CEPT1: variants seen among roughly 807,000 people sequenced by gnomAD.
CEPT1 encodes the protein choline/ethanolaminephosphotransferase 1.
Under a neutral mutation model 42.6 loss-of-function variants are expected in CEPT1, and 7 were observed. The ratio of observed to expected loss-of-function variants is 0.16; its 90% CI spans 0.09 to 0.31. The LOEUF (loss-of-function observed/expected upper bound fraction) is 0.31. CEPT1 is among the 10% of genes least tolerant of loss of function. The pLI, the probability that CEPT1 is intolerant of heterozygous loss-of-function variation, is 1.00. For synonymous variants in CEPT1, 171 were observed against 171.9 expected, an observed-to-expected ratio of 0.99 and a Z score of 0.04; for missense variants, 306 against 502.1, an observed-to-expected ratio of 0.61 and a Z score of 3.73.
At chr1:111,165,263 T>C (rs1656090140) in intron 4 of CEPT1, among the ~76,000 whole-genome samples, 1 of 151,656 alleles carries the variant, frequency 6.6e-6, no homozygotes, top group Non-Finnish European at 1.5e-5. Flanking sequence ...TTAGCCAGGA[T>C]GGTCTCCATC....
intron 2 of CEPT1, among the ~76,000 whole-genome samples, chr1:111,150,122 C>G (rs1655189000): frequency 6.6e-6 from 1 of 152,128 alleles, no homozygotes; most frequent in African/African-American, 2.4e-5. Flanking sequence ...AATGGAGATG[C>G]CTGGATGCAT....
intron 5 of CEPT1, among the ~76,000 whole-genome samples, chr1:111,175,453 GA>G (rs1161692013): frequency 6.6e-6 from 1 of 152,104 alleles, no homozygotes; most frequent in African/African-American, 2.4e-5. Flanking sequence ...AGGTCTACCT[GA>G]AATATAGTCA....
In CEPT1 at chr1:111,182,849, A is replaced by AGCT; in HGVS notation, c.900_902dup (p.Ala301dup). On this transcript the variant is annotated inframe_insertion, in exon 7 of 9. Coordinates refer to ENST00000357172, the MANE Select transcript of CEPT1 (RefSeq NM_006090.5). ...TCCATATTGGATCAGTGATTACATT[A>AGCT]GCTGCAATGATCTACAAGAAATCTG... The AGCT allele has an allele frequency of 6.2e-7, 1 of 1,613,538 alleles. No individual in the cohort carries two copies. Among genetic ancestry groups the AGCT allele is most frequent in the Non-Finnish European group, 8.5e-7 (1 of 1,179,496 alleles).
intron 5 of CEPT1, chr1:111,179,570 G>C (rs1009519640): frequency 6.6e-6 from 1 of 152,178 alleles, no homozygotes; most frequent in African/African-American, 2.4e-5. Context: ...GATCTTAAGC[G>C]TGGGGTGAGA....
chr1:111,165,780 T>C (rs374769122), intron 4 of CEPT1, among the ~76,000 whole-genome samples: 1 of 152,340 alleles, frequency 6.6e-6, no homozygotes, highest in African/African-American at 2.4e-5. Flanking sequence ...TGTTTATTTC[T>C]ATGTAAGTAA....
intron 2 of CEPT1, among the ~76,000 whole-genome samples, chr1:111,153,030 C>T (rs1469403815): frequency 6.6e-6 from 1 of 152,116 alleles, no homozygotes; most frequent in Non-Finnish European, 1.5e-5. Flanking sequence ...TTATTGTTAG[C>T]TATATTCAGC....
chr1:111,143,460 A>AT (rs1263803359), intron 1 of CEPT1: 1 of 152,012 alleles, frequency 6.6e-6, no homozygotes, highest in African/African-American at 2.4e-5. Flanking sequence ...ACTAGTTTTT[A>AT]TTTCTTTTCC....
At chr1:111,144,427 A>C (rs989769691) in intron 1 of CEPT1, among the ~76,000 whole-genome samples, 2 of 152,230 alleles carry the variant, frequency 1.3e-5, no homozygotes, top group Non-Finnish European at 2.9e-5. Context: ...GAAAGCCTTC[A>C]AAAACTCATT....
chr1:111,163,046 A>G (rs943948195), intron 4 of CEPT1, among the ~76,000 whole-genome samples: 4 of 152,226 alleles, frequency 2.6e-5, no homozygotes, highest in African/African-American at 7.2e-5. Flanking sequence ...TTATAGAACA[A>G]TAGCTAAAGA....
intron 2 of CEPT1, among the ~76,000 whole-genome samples, chr1:111,155,517 A>T (rs1655515382): frequency 1.3e-5 from 2 of 151,670 alleles, no homozygotes. Flanking sequence ...ATATATACAT[A>T]TATATGATAT....
chr1:111,157,832 C>T (rs1655651200), intron 2 of CEPT1, among the ~76,000 whole-genome samples: 1 of 152,164 alleles, frequency 6.6e-6, no homozygotes, highest in Admixed American at 6.5e-5. Flanking sequence ...GAGAGAAACT[C>T]CTTTGCAGTA....
intron 2 of CEPT1, 89 bp downstream of exon 2, chr1:111,148,142 T>A: frequency 1.1e-6 from 1 of 934,008 alleles, no homozygotes; most frequent in Non-Finnish European, 1.7e-6. Context: ...AAAGATAAAG[T>A]AATCTGACAG....
rs1358520590 is a variant in CEPT1, at chr1:111,140,264, G to C, written c.-117G>C. ...CGCCGATCAGTCACCCAGTCGGCTG[G>C]AGTCGGAGGCGATATTTCTAGGGGT... On this transcript the variant is annotated 5_prime_UTR_variant, in exon 1 of 9. Transcript: ENST00000357172. 6.6e-6 allele frequency: 1 copy of C among 152,398 alleles called. No homozygotes were observed. The highest frequency in any genetic ancestry group is 2.1e-4 in the South Asian group (1 of 4,836). 9.4% of individuals were successfully genotyped at this position (152,398 alleles called of 1,614,324 possible).
At chr1:111,170,248 C>T (rs953674695) in intron 4 of CEPT1, among the ~76,000 whole-genome samples, 2 of 152,050 alleles carry the variant, frequency 1.3e-5, no homozygotes, top group Non-Finnish European at 2.9e-5. Flanking sequence ...TACTCTACTT[C>T]TTTTTATATT....
chr1:111,176,294 A>G (rs1656673466), intron 5 of CEPT1, among the ~76,000 whole-genome samples: 1 of 152,136 alleles, frequency 6.6e-6, no homozygotes, highest in South Asian at 2.1e-4. Flanking sequence ...TCTTCAGTAG[A>G]CTAGTTCTTT....
chr1:111,164,050 T>C (rs1571138595), intron 4 of CEPT1, among the ~76,000 whole-genome samples: 1 of 152,236 alleles, frequency 6.6e-6, no homozygotes, highest in East Asian at 1.9e-4. Context: ...CTTCATAAAA[T>C]AGAATGTTTG....
intron 4 of CEPT1, among the ~76,000 whole-genome samples, chr1:111,168,408 G>GA (rs1307219956): frequency 4.7e-4 from 65 of 139,364 alleles, no homozygotes; most frequent in East Asian, 1.6e-3. Flanking sequence ...CGCCTGCCCT[G>GA]AAAAAAAAAA....
chr1:111,159,659 A>G (rs1557930148), intron 3 of CEPT1, 132 bp downstream of exon 3: 3 of 625,754 alleles, frequency 4.8e-6, no homozygotes, highest in East Asian at 3.4e-5. Flanking sequence ...TCAAAAGACT[A>G]TGAACCTAGT....
intron 1 of CEPT1, among the ~76,000 whole-genome samples, chr1:111,146,302 A>T (rs1397934638): frequency 6.6e-6 from 1 of 152,120 alleles, no homozygotes; most frequent in Admixed American, 6.5e-5. Context: ...ATCTCTACTT[A>T]AAAGTCACAT....
Sources: allele counts gnomAD v4.1 joint callset (sites outside exome capture counted in the v4.1 genomes callset), GRCh38; gene constraint gnomAD v4.1.1; transcripts MANE v1.5; gene names NCBI Gene and HGNC (gene_info 2026-07-23, HGNC 2026-07-21).